Variants in ARHGEF9 observed in about 807,000 individuals in gnomAD.
The protein encoded by ARHGEF9 is rho guanine nucleotide exchange factor 9.
In ARHGEF9, 2 loss-of-function variants were observed where a neutral mutation model predicts 41.3. The observed-to-expected ratio is 0.05, with a 90% CI of 0.02 to 0.15. The LOEUF (loss-of-function observed/expected upper bound fraction) is 0.15. ARHGEF9 is among the 10% of genes least tolerant of loss of function. The probability of loss-of-function intolerance (pLI) is 1.00; values close to 1 mark genes in which losing one functional copy is unlikely to be tolerated. For missense variants in ARHGEF9, 225 were observed against 424.7 expected, an observed-to-expected ratio of 0.53 and a Z score of 4.13; for synonymous variants, 160 against 154.4, an observed-to-expected ratio of 1.04 and a Z score of -0.27.
intron 4 of ARHGEF9, among the ~76,000 whole-genome samples, chrX:63,681,487 T>C (rs188915985): frequency 9.0e-6 from 1 of 111,719 alleles, no homozygotes; most frequent in East Asian, 2.8e-4. Flanking sequence ...TTAAACAACA[T>C]ATCCCTGAAT....
At chrX:63,725,985 C>T (rs1306876171) in intron 1 of ARHGEF9, among the ~76,000 whole-genome samples, 1 of 112,366 alleles carries the variant, frequency 8.9e-6, no homozygotes, top group African/African-American at 3.2e-5. Context: ...ACATGCTAGC[C>T]ACAGAATAAC....
At chrX:63,661,758 TTCTCTC>T (rs199903174) in intron 7 of ARHGEF9, among the ~76,000 whole-genome samples, 10 of 106,147 alleles carry the variant, frequency 9.4e-5, no homozygotes, top group East Asian at 3.0e-4. Context: ...TGCTCTCCTT[TTCTCTC>T]TCTCTCTCTC....
rs1556298688 is a variant in ARHGEF9, at chrX:63,637,089, A to T, written c.*939T>A. ...CTAAGGGAGAGACAGGCCTAGGGGG[A>T]GACCTATAACAAAAGTGACTTGAAA... On this transcript the variant is annotated 3_prime_UTR_variant, in exon 10 of 10. Transcript: ENST00000671741. 3.4e-6 allele frequency: 1 copy of T among 295,339 alleles called. No homozygotes were observed. Among genetic ancestry groups the T allele is most frequent in the Non-Finnish European group, 5.9e-6 (1 of 169,930 alleles). The allele number at this position is 295,339 out of a possible 1,213,427, so 24.3% of individuals were successfully genotyped here.
intron 3 of ARHGEF9, among the ~76,000 whole-genome samples, chrX:63,701,883 C>T (rs1556396121): frequency 8.9e-6 from 1 of 111,851 alleles, no homozygotes; most frequent in East Asian, 2.8e-4. Context: ...GCATTTTAGG[C>T]TGACTAGCTG....
chrX:63,773,993 A>G (rs1556456456), intron 1 of ARHGEF9, among the ~76,000 whole-genome samples: 1 of 110,360 alleles, frequency 9.1e-6, no homozygotes, highest in African/African-American at 3.3e-5. Flanking sequence ...AGCTTGCAGA[A>G]TGCAGATCTT....
chrX:63,667,008 G>T (rs2049620116), intron 6 of ARHGEF9, among the ~76,000 whole-genome samples: 1 of 111,662 alleles, frequency 9.0e-6, no homozygotes, highest in South Asian at 3.8e-4. Context: ...ACGAATGCAG[G>T]TATGCTCAAA....
intron 1 of ARHGEF9, among the ~76,000 whole-genome samples, chrX:63,752,331 G>T (rs1424820653): frequency 9.2e-6 from 1 of 108,877 alleles, no homozygotes; most frequent in Non-Finnish European, 1.9e-5. Context: ...GAAAAAAATT[G>T]TCCAAGGTCA....
intron 1 of ARHGEF9, among the ~76,000 whole-genome samples, chrX:63,747,625 T>C (rs1291747012): frequency 8.9e-6 from 1 of 112,096 alleles, no homozygotes; most frequent in African/African-American, 3.2e-5. Context: ...GAAACCACTA[T>C]GATCAACTCA....
intron 4 of ARHGEF9, among the ~76,000 whole-genome samples, chrX:63,692,155 C>T (rs1364119443): frequency 2.7e-5 from 3 of 111,933 alleles, no homozygotes; most frequent in Non-Finnish European, 3.8e-5. Flanking sequence ...CACAAAGACT[C>T]TATTGAGTAA....
chrX:63,652,828 G>T (rs1401079754), intron 8 of ARHGEF9, among the ~76,000 whole-genome samples: 2 of 110,812 alleles, frequency 1.8e-5, no homozygotes, highest in African/African-American at 6.6e-5. Context: ...ATTGGATCAT[G>T]GGGGGAATTT....
At chrX:63,746,980 A>G (rs1311032198) in intron 1 of ARHGEF9, among the ~76,000 whole-genome samples, 1 of 112,034 alleles carries the variant, frequency 8.9e-6, no homozygotes, top group Non-Finnish European at 1.9e-5. Flanking sequence ...CACTTGTTCT[A>G]AAAGAAACCT....
chrX:63,755,827 C>T, intron 1 of ARHGEF9: 1 of 752,759 alleles, frequency 1.3e-6, no homozygotes, highest in Non-Finnish European at 1.6e-6. Flanking sequence ...GATACCACTG[C>T]CCTTACCTGG....
chrX:63,764,863 C>T (rs1556451002), intron 1 of ARHGEF9, among the ~76,000 whole-genome samples: 2 of 111,381 alleles, frequency 1.8e-5, no homozygotes, highest in African/African-American at 6.5e-5. Flanking sequence ...GGATGCTGGG[C>T]TTAATACCTG....
chrX:63,770,037 C>G (rs2056178144), intron 1 of ARHGEF9, among the ~76,000 whole-genome samples: 1 of 111,613 alleles, frequency 9.0e-6, no homozygotes, highest in African/African-American at 3.3e-5. Context: ...AATCCACTAA[C>G]AGCTTGCATC....
chrX:63,671,253 A>C (rs782622275), intron 6 of ARHGEF9: 1 of 111,936 alleles, frequency 8.9e-6, no homozygotes, highest in South Asian at 3.8e-4. Flanking sequence ...CCTTGCCTAG[A>C]CAACTTCTTG....
At chrX:63,735,800 A>C (rs782116673) in intron 1 of ARHGEF9, among the ~76,000 whole-genome samples, 1 of 112,237 alleles carries the variant, frequency 8.9e-6, no homozygotes, top group Non-Finnish European at 1.9e-5. Flanking sequence ...AGAGAATGTA[A>C]GTATCTCCCA....
At chrX:63,649,720 A>G (rs1449946193) in intron 8 of ARHGEF9, among the ~76,000 whole-genome samples, 23 of 111,729 alleles carry the variant, frequency 2.1e-4, no homozygotes, top group African/African-American at 6.8e-4. Context: ...AAAAGAGAGA[A>G]GAATCAAATA....
At chrX:63,642,729 T>C (rs1359805236) in intron 9 of ARHGEF9, 1 of 111,840 alleles carries the variant, frequency 8.9e-6, no homozygotes, top group African/African-American at 3.3e-5. Context: ...TGGTGACTCA[T>C]TCAGAACCAC....
chrX:63,668,294 T>C (rs1318166334), intron 6 of ARHGEF9, among the ~76,000 whole-genome samples: 3 of 110,825 alleles, frequency 2.7e-5, no homozygotes, highest in Non-Finnish European at 5.7e-5. Context: ...TGTGACACCA[T>C]GCCCAGCTAA....
Sources: gnomAD v4.1 joint callset for allele counts (sites outside exome capture counted in the v4.1 genomes callset) on GRCh38, gnomAD v4.1.1 for gene constraint, MANE v1.5 for transcripts, NCBI Gene and HGNC (gene_info 2026-07-23, HGNC 2026-07-21) for gene names.